The following TBC1D14 variants were observed in gnomAD, a reference collection of about 807,000 sequenced individuals.
TBC1D14 encodes TBC1 domain family member 14, also known as TBC1 domain family, member 14.
TBC1D14 carries 26 observed loss-of-function variants against 79.0 expected under a neutral mutation model. That is an observed-to-expected ratio of 0.33 (90% CI 0.24 to 0.46). The LOEUF is 0.46. TBC1D14 is among the 20% of genes least tolerant of loss of function. The pLI, the probability that TBC1D14 is intolerant of heterozygous loss-of-function variation, is 1.00. For synonymous variants in TBC1D14, 394 were observed against 349.9 expected, an observed-to-expected ratio of 1.13 and a Z score of -1.40; for missense variants, 769 against 887.6, an observed-to-expected ratio of 0.87 and a Z score of 1.70.
intron 5 of TBC1D14, among the ~76,000 whole-genome samples, chr4:6,998,402 C>G (rs1719292065): frequency 6.6e-6 from 1 of 150,964 alleles, no homozygotes; most frequent in Non-Finnish European, 1.5e-5. Flanking sequence ...TGGAAGTCAG[C>G]ATGGAGCTTG....
At chr4:6,938,373 C>T (rs1375919072) in intron 2 of TBC1D14, among the ~76,000 whole-genome samples, 1 of 152,134 alleles carries the variant, frequency 6.6e-6, no homozygotes, top group Admixed American at 6.5e-5. Flanking sequence ...GCCAGGATAG[C>T]AAGGGGGGAA....
chr4:7,025,265 C>T lies in TBC1D14; in HGVS notation c.2016+3C>T, dbSNP rs555738461. On this transcript the variant is annotated splice_donor_region_variant and intron_variant, in intron 13 of 13. Coordinates refer to ENST00000409757, the MANE Select transcript of TBC1D14 (RefSeq NM_020773.3). ...GCCGAAACAAGAAGTGGGCTCAGGT[C>T]AGCGGGCTTTGTGTTCTTGGCTTCC... 6.2e-7 allele frequency: 1 copy of T among 1,614,084 alleles called. No individual in the cohort carries two copies. Among genetic ancestry groups the T allele is most frequent in the South Asian group, 1.1e-5 (1 of 91,054 alleles).
intron 12 of TBC1D14, among the ~76,000 whole-genome samples, chr4:7,020,366 A>C (rs938475603): frequency 3.3e-5 from 5 of 152,246 alleles, no homozygotes; most frequent in African/African-American, 4.8e-5. Context: ...TTTAAGCTTC[A>C]CAAAATCTAA....
chr4:6,936,925 T>C (rs1193549943), intron 2 of TBC1D14, among the ~76,000 whole-genome samples: 4 of 152,172 alleles, frequency 2.6e-5, no homozygotes, highest in African/African-American at 9.7e-5. Flanking sequence ...TACTTACTTA[T>C]TTATTTTTTG....
chr4:6,952,475 C>T (rs1714132858), intron 2 of TBC1D14, among the ~76,000 whole-genome samples: 1 of 152,258 alleles, frequency 6.6e-6, no homozygotes, highest in Non-Finnish European at 1.5e-5. Flanking sequence ...ACTAGGTGCT[C>T]AGGACCACTC....
intron 1 of TBC1D14, among the ~76,000 whole-genome samples, chr4:6,919,289 G>A (rs930140888): frequency 2.0e-5 from 3 of 152,002 alleles, no homozygotes; most frequent in African/African-American, 7.3e-5. Flanking sequence ...TGGGATTACA[G>A]GCATGCACCA....
At chr4:6,967,897 A>G (rs1715843695) in intron 3 of TBC1D14, among the ~76,000 whole-genome samples, 1 of 152,006 alleles carries the variant, frequency 6.6e-6, no homozygotes, top group South Asian at 2.1e-4. Context: ...GAGGCTGCCT[A>G]CTTTTGGGGT....
At position 7,025,247 on chromosome 4, in the gene TBC1D14, C is replaced by T; in HGVS notation, c.2001C>T (p.Asn667=). Reference sequence around the variant, plus strand: ...CCACGATCCAGATGCAGAGCCGAAACAAGAAGTGGGCTCAGGTCAGCGGGC... The same window carrying T: ...CCACGATCCAGATGCAGAGCCGAAATAAGAAGTGGGCTCAGGTCAGCGGGC... ...SIATIQMQSR[N]KKWAQVLTAL... Residue 667 remains asparagine, a synonymous_variant, in exon 13 of 14, where the codon AAC becomes AAT. Coordinates refer to ENST00000409757, the MANE Select transcript of TBC1D14 (RefSeq NM_020773.3). 1 of 1,614,250 alleles carries T rather than the reference C, an allele frequency of 6.2e-7. No individual in the cohort carries two copies. Among genetic ancestry groups the T allele is most frequent in the Non-Finnish European group, 8.5e-7 (1 of 1,180,048 alleles).
chr4:6,918,592 C>T (rs1445616955), intron 1 of TBC1D14, among the ~76,000 whole-genome samples: 1 of 152,194 alleles, frequency 6.6e-6, no homozygotes, highest in Admixed American at 6.5e-5. Flanking sequence ...GAAGTTGAGG[C>T]TCAGAAGGGT....
At chr4:7,003,935 G>A (rs958003361) in intron 7 of TBC1D14, among the ~76,000 whole-genome samples, 1 of 152,176 alleles carries the variant, frequency 6.6e-6, no homozygotes, top group African/African-American at 2.4e-5. Context: ...GAATCTGGGA[G>A]GCAGAGGTTA....
At chr4:6,981,023 T>TC (rs1491346711) in intron 3 of TBC1D14, among the ~76,000 whole-genome samples, 142 of 97,768 alleles carry the variant, frequency 1.5e-3, no homozygotes, top group Non-Finnish European at 2.6e-3. Flanking sequence ...CCTCTGTCTC[T>TC]TTTTTTTTTT....
intron 2 of TBC1D14, among the ~76,000 whole-genome samples, chr4:6,967,079 G>A (rs1264698577): frequency 6.6e-6 from 1 of 152,224 alleles, no homozygotes; most frequent in Non-Finnish European, 1.5e-5. Context: ...AAAGTGCTGG[G>A]ATTACAGGCG....
chr4:6,944,416 C>T (rs777321784), intron 2 of TBC1D14, among the ~76,000 whole-genome samples: 37 of 152,176 alleles, frequency 2.4e-4, no homozygotes, highest in Non-Finnish European at 4.1e-4. Flanking sequence ...CTTCAGAGTG[C>T]GGTGCCTGCC....
chr4:7,007,586 G>A (rs925498463), intron 9 of TBC1D14: 11 of 1,289,328 alleles, frequency 8.5e-6, no homozygotes, highest in South Asian at 7.4e-5. Flanking sequence ...GGAAAGAGAG[G>A]GAATCTACAA....
At chr4:7,000,190 C>G (rs1256178919) in intron 6 of TBC1D14, among the ~76,000 whole-genome samples, 4 of 151,896 alleles carry the variant, frequency 2.6e-5, no homozygotes, top group African/African-American at 9.7e-5. Flanking sequence ...GACAGAGGTT[C>G]TCAGAATGCT....
intron 2 of TBC1D14, among the ~76,000 whole-genome samples, chr4:6,945,389 A>C (rs963045040): frequency 2.6e-5 from 4 of 152,228 alleles, no homozygotes; most frequent in African/African-American, 9.6e-5. Flanking sequence ...AGCTTGAAAA[A>C]AAATCTGAAA....
intron 1 of TBC1D14, among the ~76,000 whole-genome samples, chr4:6,912,017 T>C (rs1723035267): frequency 6.6e-6 from 1 of 152,158 alleles, no homozygotes; most frequent in African/African-American, 2.4e-5. Flanking sequence ...ACTCCTCGGC[T>C]CAAGCGATTC....
At chr4:6,932,869 ATGGCTGTCCATCATGGTG>A (rs1398061129) in intron 2 of TBC1D14, among the ~76,000 whole-genome samples, 1 of 152,142 alleles carries the variant, frequency 6.6e-6, no homozygotes, top group Non-Finnish European at 1.5e-5. Flanking sequence ...TTGAAACAAC[ATGGCTGTCCATCATGGTG>A]TGGCTGGGTT....
Position 6,994,224 on chromosome 4 carries a change from C to T in TBC1D14, c.884C>T (p.Ser295Phe), listed in dbSNP as rs1718785708. 4 of 1,614,252 alleles carry T rather than the reference C, an allele frequency of 2.5e-6. No individual in the cohort carries two copies. Among genetic ancestry groups the T allele is most frequent in the Non-Finnish European group, 3.4e-6 (4 of 1,180,044 alleles). ...DKAGRPSKPP[S>F]PKQNVRKNLD... ...GCTGGAAGACCTAGCAAGCCACCCT[C>T]TCCAAAGCAGAATGTGAGGAAGAAT... Residue 295 changes from serine to phenylalanine, a missense_variant, in exon 4 of 14, where the codon TCT (serine) becomes TTT (phenylalanine). By Grantham distance (155) the Ser-to-Phe change is radical. Transcript: ENST00000409757.
Sources: gnomAD v4.1 joint callset for allele counts (sites outside exome capture counted in the v4.1 genomes callset) on GRCh38, gnomAD v4.1.1 for gene constraint, MANE v1.5 for transcripts, NCBI Gene and HGNC (gene_info 2026-07-23, HGNC 2026-07-21) for gene names.